SPI1: variants seen among roughly 807,000 people sequenced by gnomAD.
SPI1 encodes the protein Spi-1 proto-oncogene.
SPI1 carries 3 observed loss-of-function variants against 30.7 expected under a neutral mutation model. That is an observed-to-expected ratio of 0.10 (90% CI 0.04 to 0.25). SPI1 has a LOEUF of 0.25. Among genes scored for constraint, SPI1 ranks in the 10% least tolerant of loss-of-function variants. The pLI, the probability that SPI1 is intolerant of heterozygous loss-of-function variation, is 1.00. For synonymous variants in SPI1, 169 were observed against 157.1 expected, an observed-to-expected ratio of 1.08 and a Z score of -0.56; for missense variants, 261 against 371.5, an observed-to-expected ratio of 0.70 and a Z score of 2.45.
In SPI1 at chr11:47,355,185, G is replaced by A; in HGVS notation, c.*42C>T. The A allele has an allele frequency of 1.5e-6, 2 of 1,300,924 alleles. No homozygotes were observed. The highest frequency in any genetic ancestry group is 1.9e-6 in the Non-Finnish European group (2 of 1,026,488). 80.6% of individuals were successfully genotyped at this position (1,300,924 alleles called of 1,614,324 possible). On this transcript the variant is annotated 3_prime_UTR_variant, in exon 5 of 5. Coordinates refer to ENST00000378538, the MANE Select transcript of SPI1 (RefSeq NM_003120.3). ...GGCCGGGCGAGGGCTTAATGCTATGGCCAGCGGGGAGGCCTGGCGGGGCCC... is the reference window on the plus strand; with the variant it reads ...GGCCGGGCGAGGGCTTAATGCTATGACCAGCGGGGAGGCCTGGCGGGGCCC...
At chr11:47,377,543 G>A (rs781271978) in intron 1 of SPI1, among the ~76,000 whole-genome samples, 14 of 152,148 alleles carry the variant, frequency 9.2e-5, no homozygotes, top group South Asian at 4.2e-4. Context: ...TCACCCCCAA[G>A]ACCCAGTCCC....
chr11:47,355,023 G>A lies in SPI1; in HGVS notation c.*204C>T, dbSNP rs2095905800. On this transcript the variant is annotated 3_prime_UTR_variant, in exon 5 of 5. Coordinates refer to ENST00000378538, the MANE Select transcript of SPI1 (RefSeq NM_003120.3). ...GGGTCTGACGCCCAGCTGGCGTCCG[G>A]GAGCCGGGGTGGAGTCCTGGAGGGA... is the stretch of plus-strand genomic sequence containing the variant. 2 of 364,844 alleles carry A rather than the reference G, an allele frequency of 5.5e-6. No homozygotes were observed. Among genetic ancestry groups the A allele is most frequent in the Non-Finnish European group, 9.5e-6 (2 of 210,586 alleles). 22.6% of individuals were successfully genotyped at this position (364,844 alleles called of 1,614,324 possible).
At chr11:47,360,209 T>C (rs985619453) in intron 2 of SPI1, among the ~76,000 whole-genome samples, 169 bp from the exon 3 acceptor site, 12 of 152,138 alleles carry the variant, frequency 7.9e-5, no homozygotes, top group African/African-American at 2.9e-4. Flanking sequence ...ATGAGGACAC[T>C]GAGGCTTCGA....
chr11:47,369,970 T>C (rs1447231912), intron 2 of SPI1, among the ~76,000 whole-genome samples: 1 of 152,220 alleles, frequency 6.6e-6, no homozygotes, highest in African/African-American at 2.4e-5. Context: ...GTTGGTATTG[T>C]CATGAAGAAG....
At chr11:47,378,248 G>A (rs1277416225) in intron 1 of SPI1, 61 bp downstream of exon 1, 2 of 1,548,672 alleles carry the variant, frequency 1.3e-6, no homozygotes, top group African/African-American at 2.7e-5. Context: ...CGGGTTCGTG[G>A]GCAGGCAGGC....
intron 2 of SPI1, among the ~76,000 whole-genome samples, chr11:47,367,026 T>G (rs753902924): frequency 6.6e-6 from 1 of 152,172 alleles, no homozygotes; most frequent in African/African-American, 2.4e-5. Flanking sequence ...TAAAAGATAC[T>G]TAGTATATAT....
chr11:47,360,336 C>G, intron 2 of SPI1, among the ~76,000 whole-genome samples: 1 of 152,202 alleles, frequency 6.6e-6, no homozygotes, highest in African/African-American at 2.4e-5. Flanking sequence ...TCACACAGAC[C>G]GAGCGTCTAA....
chr11:47,366,052 A>C (rs1453254249), intron 2 of SPI1, among the ~76,000 whole-genome samples: 1 of 151,936 alleles, frequency 6.6e-6, no homozygotes, highest in Non-Finnish European at 1.5e-5. Context: ...ATTACCCATC[A>C]CCTGTCATTC....
intron 4 of SPI1, chr11:47,358,549 C>G (rs2095915604): frequency 1.4e-6 from 1 of 694,724 alleles, no homozygotes; most frequent in African/African-American, 1.8e-5. Flanking sequence ...CGTACCTGTG[C>G]ACACGCACCC....
At chr11:47,355,678 G>T in intron 4 of SPI1, 132 bp from the exon 5 acceptor site, 1 of 709,726 alleles carries the variant, frequency 1.4e-6, no homozygotes, top group Non-Finnish European at 2.3e-6. Flanking sequence ...CCCAGCCCGC[G>T]CCGGGCGTGC....
Position 47,378,278 on chromosome 11 carries a change from G to A in SPI1, c.45+31C>T, listed in dbSNP as rs147054942. 293 of 1,611,768 alleles carry A rather than the reference G, an allele frequency of 1.8e-4. 1 individual carries two copies. In the East Asian group the frequency reaches 5.9e-3, roughly 32 times the overall value. On this transcript the variant is annotated intron_variant, in intron 1 of 4. Transcript: ENST00000378538. ...GCAGGCAGGCGTCCGAGGGCCACGGGTTGGGCTGGTGGAGGAGTCCCGGTA... is the reference window on the plus strand; with the variant it reads ...GCAGGCAGGCGTCCGAGGGCCACGGATTGGGCTGGTGGAGGAGTCCCGGTA...
Position 47,375,795 on chromosome 11 carries a change from C to CAGCGTGCGGGGGTG in SPI1, c.46-67_46-66insCACCCCCGCACGCT. ...AGACCCCAGCCAGGCCTGCAGCACC[C>CAGCGTGCGGGGGTG]CCGCACGCTGGGTCCCCATCACCTT... On this transcript the variant is annotated intron_variant, in intron 1 of 4. Coordinates refer to ENST00000378538, the MANE Select transcript of SPI1 (RefSeq NM_003120.3). This position sits in a 1 kb window ranked among gnomAD's most constrained non-coding sequence, Gnocchi z 4.2. 7.6e-7 allele frequency: 1 copy of CAGCGTGCGGGGGTG among 1,307,764 alleles called. No homozygotes were observed. Among genetic ancestry groups the CAGCGTGCGGGGGTG allele is most frequent in the Non-Finnish European group, 1.1e-6 (1 of 902,784 alleles). The allele number at this position is 1,307,764 out of a possible 1,614,324, so 81.0% of individuals were successfully genotyped here. A position where few individuals can be genotyped will look rare whatever the true frequency, so the allele number is the denominator to read the frequency against.
chr11:47,355,550 C>CG lies in SPI1; in HGVS notation c.494-5dup, dbSNP rs761258852. On this transcript the variant is annotated splice_region_variant and splice_polypyrimidine_tract_variant and intron_variant, in intron 4 of 4. Transcript: ENST00000378538. The stretch of plus-strand genomic sequence containing the variant: ...AGGCGGATCTTCTTCTTGCTGCCTG[C>CG]GGGGGGGAGGGCCCGGTGGGAGGGG... 2.2e-5 allele frequency: 31 copies of CG among 1,399,052 alleles called. No homozygotes were observed. The highest frequency in any genetic ancestry group is 9.0e-5 in the African/African-American group (6 of 66,350). 86.7% of individuals were successfully genotyped at this position (1,399,052 alleles called of 1,614,324 possible). A position where few individuals can be genotyped will look rare whatever the true frequency, so the allele number is the denominator to read the frequency against.
chr11:47,358,268 G>A (rs574610071), intron 4 of SPI1: 9 of 447,946 alleles, frequency 2.0e-5, no homozygotes, highest in East Asian at 7.6e-5. Context: ...TCACACACCT[G>A]CTGTCACACC....
intron 4 of SPI1, among the ~76,000 whole-genome samples, chr11:47,357,640 A>T (rs1011416671): frequency 5.3e-5 from 8 of 152,078 alleles, no homozygotes; most frequent in Non-Finnish European, 1.5e-5. Flanking sequence ...ATCTCGGCTC[A>T]CTGCAACCTC....
At chr11:47,368,696 T>G (rs1163784878) in intron 2 of SPI1, among the ~76,000 whole-genome samples, 1 of 152,184 alleles carries the variant, frequency 6.6e-6, no homozygotes, top group Non-Finnish European at 1.5e-5. Context: ...AATCCACTCA[T>G]GCGGGGTACC....
chr11:47,373,991 C>T (rs1030629546), intron 2 of SPI1, among the ~76,000 whole-genome samples: 1 of 152,232 alleles, frequency 6.6e-6, no homozygotes, highest in Non-Finnish European at 1.5e-5. Flanking sequence ...CCAAAGGAAA[C>T]GCACCCAAGC....
rs374011131 is a variant in SPI1 at position 47,358,636 on chromosome 11, A to C, written c.493+208T>G. On this transcript the variant is annotated intron_variant, in intron 4 of 4. Coordinates refer to ENST00000378538, the MANE Select transcript of SPI1 (RefSeq NM_003120.3). ...GAGACACACACACCTGGCACACTTC[A>C]TGGAGATGCCCGTATGCACTACACA... 1,702 of 708,350 alleles carry C rather than the reference A, an allele frequency of 2.4e-3. 42 individuals carry two copies. The South Asian group carries it at 0.024, about 10-fold the overall frequency. 43.9% of individuals were successfully genotyped at this position (708,350 alleles called of 1,614,324 possible).
At position 47,355,463 on chromosome 11, in the gene SPI1, C is replaced by T; in HGVS notation, c.577G>A (p.Asp193Asn). Residue 193 changes from aspartate to asparagine, a missense_variant, in exon 5 of 5, where the codon GAC (aspartate) becomes AAC (asparagine). By Grantham distance (23) the Asp-to-Asn change is conservative. Coordinates refer to ENST00000378538, the MANE Select transcript of SPI1 (RefSeq NM_003120.3). Reference sequence around the variant, plus strand: ...AACTGGAAGGTGCCCTTGTCCTTGTCCACCCACCAGATGCTGTCCTTCATG... The same window carrying T: ...AACTGGAAGGTGCCCTTGTCCTTGTTCACCCACCAGATGCTGTCCTTCATG... ...GDMKDSIWWV[D>N]KDKGTFQFSS... The T allele has an allele frequency of 6.2e-7, 1 of 1,613,602 alleles. No individual in the cohort carries two copies. Among genetic ancestry groups the T allele is most frequent in the Non-Finnish European group, 8.5e-7 (1 of 1,179,652 alleles).
Sources: gnomAD v4.1 joint callset for allele counts (sites outside exome capture counted in the v4.1 genomes callset) on GRCh38, gnomAD v4.1.1 for gene constraint, Gnocchi (gnomAD v3.1) non-coding constraint, MANE v1.5 for transcripts, NCBI Gene and HGNC (gene_info 2026-07-23, HGNC 2026-07-21) for gene names.